Variants in ATP2B2 observed in about 807,000 individuals in gnomAD.
ATP2B2 encodes the protein ATPase plasma membrane Ca2+ transporting 2.
ATP2B2 carries 15 observed loss-of-function variants against 120.0 expected under a neutral mutation model. The ratio of observed to expected loss-of-function variants is 0.12; its 90% CI spans 0.08 to 0.19. The LOEUF is 0.19. Among genes scored for constraint, ATP2B2 ranks in the 10% least tolerant of loss-of-function variants. The pLI, the probability that ATP2B2 is intolerant of heterozygous loss-of-function variation, is 1.00. For synonymous variants in ATP2B2, 694 were observed against 700.3 expected (o/e 0.99, Z 0.14); for missense variants, 1,045 against 1,719.8 (o/e 0.61, Z 6.94).
At chr3:10,569,055 C>T (rs975316328) in intron 2 of ATP2B2, among the ~76,000 whole-genome samples, 26 of 152,208 alleles carry the variant, frequency 1.7e-4, no homozygotes, top group African/African-American at 5.3e-4. Context: ...GACGTGGTAT[C>T]GCTGTTCACT....
chr3:10,471,503 G>A (rs2065002561), intron 1 of ATP2B2, among the ~76,000 whole-genome samples: 1 of 151,986 alleles, frequency 6.6e-6, no homozygotes, highest in Admixed American at 6.6e-5. Context: ...GGGTACGGGA[G>A]GAGGGGAAAG....
In ATP2B2 at chr3:10,332,883, A is replaced by G. The variant is rs146231852; in HGVS notation, c.3421-3758T>C. Among the ~76,000 whole-genome samples, 17 of 152,106 alleles carry G rather than the reference A, an allele frequency of 1.1e-4. No homozygotes were observed. The East Asian group carries it at 3.3e-3, about 29-fold the overall frequency. On this transcript the variant is annotated intron_variant, in intron 22 of 22. Coordinates refer to ENST00000360273, the MANE Select transcript of ATP2B2 (RefSeq NM_001001331.4). ...AAGGGAGTGGGGAACTGCTCTGGAA[A>G]TGTTGAGTGGGGCTCAGGTATAAGG... is the stretch of plus-strand genomic sequence containing the variant.
intron 1 of ATP2B2, among the ~76,000 whole-genome samples, chr3:10,471,191 G>C (rs1390077760): frequency 1.3e-5 from 2 of 152,206 alleles, no homozygotes; most frequent in East Asian, 3.9e-4. Context: ...CCCCAGCACA[G>C]TGTCTCCAGC....
At chr3:10,353,486 C>A (rs1365217239) in intron 14 of ATP2B2, among the ~76,000 whole-genome samples, 1 of 152,150 alleles carries the variant, frequency 6.6e-6, no homozygotes, top group African/African-American at 2.4e-5. Flanking sequence ...TATGAACGGG[C>A]CTGAGGGCCA....
At chr3:10,619,866 G>T (rs762867092) in intron 2 of ATP2B2, 1 of 152,198 alleles carries the variant, frequency 6.6e-6, no homozygotes, top group Non-Finnish European at 1.5e-5. Flanking sequence ...ATGCTAGTGG[G>T]CTTCTATGGG....
intron 3 of ATP2B2, among the ~76,000 whole-genome samples, chr3:10,533,289 G>A (rs1020018108): frequency 2.0e-5 from 3 of 152,176 alleles, no homozygotes; most frequent in African/African-American, 4.8e-5. Flanking sequence ...TCAGAGAGAT[G>A]GCTGCCCCAT....
At position 10,375,511 on chromosome 3, in the gene ATP2B2, G is replaced by A. The variant is rs746643170; in HGVS notation, c.1335C>T (p.Ile445=). 1.2e-6 allele frequency: 2 copies of A among 1,613,764 alleles called. No individual in the cohort carries two copies. Among genetic ancestry groups the A allele is most frequent in the African/African-American group, 2.7e-5 (2 of 75,058 alleles). ...CGACCACCAGCACCGTCACGCCAAT[G>A]ATGAAGAACTTGACAAAGTACTGCA... The part of the protein sequence containing the change: ...VYVQYFVKFF[I]IGVTVLVVAV... The change falls in exon 11 of 23, where the codon ATC becomes ATT. Residue 445 remains isoleucine (I), a synonymous_variant. Transcript: ENST00000360273. This position sits in a 1 kb window ranked among gnomAD's most constrained non-coding sequence, Gnocchi z 4.2.
At chr3:10,400,450 G>C (rs2124960894) in intron 5 of ATP2B2, among the ~76,000 whole-genome samples, 1 of 152,310 alleles carries the variant, frequency 6.6e-6, no homozygotes, top group African/African-American at 2.4e-5. Context: ...CCTTTGCCCT[G>C]TTTGTTTTCT....
In ATP2B2 at chr3:10,585,889, G is replaced by C. The variant is rs76685025; in HGVS notation, c.-415+34028C>G. 6.0e-3 allele frequency among the ~76,000 whole-genome samples: 920 copies of C among 152,238 alleles called. 9 individuals are homozygous for C. Among genetic ancestry groups the C allele is most frequent in the African/African-American group, 0.021 (852 of 41,516 alleles). ...TCGTGTTCCCTCTGTTCTGTCACTA[G>C]AATATAAGCTACATGAGAACCTAGA... On this transcript the variant is annotated intron_variant, in intron 2 of 21. Transcript: ENST00000646379.
chr3:10,556,238 C>T (rs752423124), intron 2 of ATP2B2, among the ~76,000 whole-genome samples: 28 of 152,256 alleles, frequency 1.8e-4, no homozygotes, highest in Middle Eastern at 3.4e-3. Flanking sequence ...CACGGAAAAC[C>T]CAGGTTCTCC....
At chr3:10,502,973 C>T (rs570186859) in intron 1 of ATP2B2, among the ~76,000 whole-genome samples, 2 of 152,172 alleles carry the variant, frequency 1.3e-5, no homozygotes, top group Non-Finnish European at 1.5e-5. Context: ...TCATCTGGGA[C>T]GTGGGGATAA....
At position 10,603,069 on chromosome 3, in the gene ATP2B2, G is replaced by A. The variant is rs975854970; in HGVS notation, c.-415+16848C>T. On this transcript the variant is annotated intron_variant, in intron 2 of 21. Coordinates refer to the ATP2B2 transcript ENST00000646379. ...GGCCAAGAGGCAGAAACCTGAACTGGTGAGAAACGATGATGAGGTGTGTCA... is the reference window on the plus strand; with the variant it reads ...GGCCAAGAGGCAGAAACCTGAACTGATGAGAAACGATGATGAGGTGTGTCA... 4.6e-5 allele frequency among the ~76,000 whole-genome samples: 7 copies of A among 152,218 alleles called. No individual in the cohort carries two copies. The East Asian group carries it at 7.7e-4, about 17-fold the overall frequency.
intron 2 of ATP2B2, among the ~76,000 whole-genome samples, chr3:10,552,983 T>C (rs1314539163): frequency 6.6e-6 from 1 of 152,200 alleles, no homozygotes; most frequent in East Asian, 1.9e-4. Context: ...GAGATTGAAT[T>C]GCTCCTCAAG....
At position 10,342,074 on chromosome 3, in the gene ATP2B2, G is replaced by A. The variant is rs2060294982; in HGVS notation, c.2917+678C>T. Among the ~76,000 whole-genome samples, 1 of 152,172 alleles carries A rather than the reference G, an allele frequency of 6.6e-6. No homozygotes were observed. The highest frequency in any genetic ancestry group is 1.5e-5 in the Non-Finnish European group (1 of 68,032). On this transcript the variant is annotated intron_variant, in intron 19 of 22. Coordinates refer to ENST00000360273, the MANE Select transcript of ATP2B2 (RefSeq NM_001001331.4). This position sits in a 1 kb window ranked among gnomAD's most constrained non-coding sequence, Gnocchi z 4.4. ...CCTCTGTTTCCCCATCTGTGACCTGGGGATAGGCTTTGTTGGGATTGCCTC... is the reference window on the plus strand; with the variant it reads ...CCTCTGTTTCCCCATCTGTGACCTGAGGATAGGCTTTGTTGGGATTGCCTC...
intron 12 of ATP2B2, among the ~76,000 whole-genome samples, chr3:10,371,281 G>A (rs2061233482): frequency 6.6e-6 from 1 of 152,244 alleles, no homozygotes; most frequent in Admixed American, 6.5e-5. Flanking sequence ...TGCTGGAGGA[G>A]GTGAGACCAC....
intron 1 of ATP2B2, among the ~76,000 whole-genome samples, chr3:10,499,786 C>T (rs998633826): frequency 5.9e-5 from 9 of 152,140 alleles, no homozygotes; most frequent in East Asian, 1.9e-4. Context: ...GGAATTCCTG[C>T]CCCATGGATT....
Position 10,329,132 on chromosome 3 carries a change from G to C in ATP2B2, c.3421-7C>G. The C allele has an allele frequency of 6.2e-7, 1 of 1,612,478 alleles. No individual in the cohort carries two copies. The highest frequency in any genetic ancestry group is 8.5e-7 in the Non-Finnish European group (1 of 1,179,958). ...ACGCCTTCACGACGCGGATCTGCAAGGGAAGCACAGGGGTCAGGAGCACTG... is the reference window on the plus strand; with the variant it reads ...ACGCCTTCACGACGCGGATCTGCAACGGAAGCACAGGGGTCAGGAGCACTG... On this transcript the variant is annotated splice_region_variant and splice_polypyrimidine_tract_variant and intron_variant, in intron 22 of 22. Coordinates refer to ENST00000360273, the MANE Select transcript of ATP2B2 (RefSeq NM_001001331.4). This position sits in a 1 kb window ranked among gnomAD's most constrained non-coding sequence, Gnocchi z 5.9.
chr3:10,429,736 C>T (rs1287610888), intron 2 of ATP2B2, among the ~76,000 whole-genome samples: 1 of 152,226 alleles, frequency 6.6e-6, no homozygotes, highest in African/African-American at 2.4e-5. Context: ...GCATGTCTCA[C>T]TAAGATAGGC....
exon 2 of ATP2B2, chr3:10,619,950 G>C (rs1428480636): frequency 1.3e-5 from 2 of 152,208 alleles, no homozygotes; most frequent in African/African-American, 4.8e-5. Flanking sequence ...CACGCTCTAA[G>C]TACAGGGAAA....
Sources: allele counts gnomAD v4.1 joint callset (sites outside exome capture counted in the v4.1 genomes callset), GRCh38; gene constraint gnomAD v4.1.1; non-coding constraint Gnocchi (gnomAD v3.1); transcripts MANE v1.5; gene names NCBI Gene and HGNC (gene_info 2026-07-23, HGNC 2026-07-21).